LPAR3: variants seen among roughly 807,000 people sequenced by gnomAD.
LPAR3 encodes lysophosphatidic acid receptor 3.
LPAR3 carries 7 observed loss-of-function variants against 17.8 expected under a neutral mutation model. That is an observed-to-expected ratio of 0.39 (90% confidence interval 0.22 to 0.74). The LOEUF (loss-of-function observed/expected upper bound fraction) is 0.74, where lower values mean the gene tolerates loss of function less well. Ranked by LOEUF, LPAR3 falls within the 30% of genes least tolerant of loss-of-function variation. The pLI, the probability that LPAR3 is intolerant of heterozygous loss-of-function variation, is 0.40. For missense variants in LPAR3, 391 were observed against 453.4 expected (o/e 0.86, Z 1.25); for synonymous variants, 179 against 179.9 (o/e 0.99, Z 0.04).
chr1:84,872,657 G>T (rs186598764), intron 1 of LPAR3, among the ~76,000 whole-genome samples: 1 of 152,262 alleles, frequency 6.6e-6, no homozygotes, highest in Non-Finnish European at 1.5e-5. Flanking sequence ...CTCCCAGGCA[G>T]AAGAATACCA....
In LPAR3 at chr1:84,883,721, G is replaced by T. The variant is rs868842743; in HGVS notation, c.-19+9295C>A. Among the ~76,000 whole-genome samples, 952 of 136,648 alleles carry T rather than the reference G, an allele frequency of 7.0e-3. 1 individual carries two copies. The highest frequency in any genetic ancestry group is 0.028 in the East Asian group (134 of 4,704). The allele number at this position is 136,648 out of a possible 152,430, so 89.6% of individuals were successfully genotyped here. A position where few individuals can be genotyped will look rare whatever the true frequency, so the allele number is the denominator to read the frequency against. On this transcript the variant is annotated intron_variant, in intron 1 of 2. Transcript: ENST00000370611. The stretch of plus-strand genomic sequence containing the variant: ...ATCCTTCTGGCCCAGGGATTTTTTT[G>T]TTTTTTTTTTTTTTAAACAATACTG...
intron 2 of LPAR3, among the ~76,000 whole-genome samples, chr1:84,839,038 G>T (rs1398240099): frequency 2.0e-5 from 3 of 152,158 alleles, no homozygotes; most frequent in Non-Finnish European, 4.4e-5. Flanking sequence ...CACTTATTGT[G>T]CAGGGTTCCA....
intron 2 of LPAR3, among the ~76,000 whole-genome samples, chr1:84,833,575 G>A (rs946887839): frequency 2.0e-5 from 3 of 152,140 alleles, no homozygotes; most frequent in Non-Finnish European, 4.4e-5. Context: ...GAACAGCATC[G>A]GTCAGAGGGG....
At chr1:84,830,925 C>A (rs1285912551) in intron 2 of LPAR3, among the ~76,000 whole-genome samples, 1 of 152,142 alleles carries the variant, frequency 6.6e-6, no homozygotes, top group Non-Finnish European at 1.5e-5. Flanking sequence ...CAATTCTGTT[C>A]CCAAGCTTTG....
chr1:84,879,316 C>CTTTTTTT lies in LPAR3; in HGVS notation c.-18-13185_-18-13179dup, dbSNP rs1187756554. 4.2e-4 allele frequency among the ~76,000 whole-genome samples: 51 copies of CTTTTTTT among 120,618 alleles called. 3 individuals carry two copies. The highest frequency in any genetic ancestry group is 1.0e-3 in the African/African-American group (29 of 28,662). The allele number at this position is 120,618 out of a possible 152,430, so 79.1% of individuals were successfully genotyped here. On this transcript the variant is annotated intron_variant, in intron 1 of 2. Transcript: ENST00000370611. ...TTTTCTTTCTTTTCTTTTCTTTTTTCTTTTTTTTTTTTTGAGATGGAATCT... is the reference window on the plus strand; with the variant it reads ...TTTTCTTTCTTTTCTTTTCTTTTTTCTTTTTTTTTTTTTTTTTTTTGAGATGGAATCT...
chr1:84,887,594 G>A (rs1660484832), intron 1 of LPAR3, among the ~76,000 whole-genome samples: 1 of 152,172 alleles, frequency 6.6e-6, no homozygotes, highest in Admixed American at 6.5e-5. Context: ...CGAATTTAAG[G>A]TGAAGAAATC....
At chr1:84,817,261 T>A (rs1363444269) in intron 2 of LPAR3, among the ~76,000 whole-genome samples, 1 of 147,428 alleles carries the variant, frequency 6.8e-6, no homozygotes, top group African/African-American at 2.5e-5. Context: ...CCAGGATCTA[T>A]CACACACACA....
At chr1:84,880,421 C>T (rs935712760) in intron 1 of LPAR3, among the ~76,000 whole-genome samples, 4 of 152,144 alleles carry the variant, frequency 2.6e-5, no homozygotes, top group South Asian at 2.1e-4. Flanking sequence ...GTCAATTGCC[C>T]GTGTAGCTCC....
At chr1:84,846,632 G>A (rs1391463098) in intron 2 of LPAR3, among the ~76,000 whole-genome samples, 1 of 152,134 alleles carries the variant, frequency 6.6e-6, no homozygotes. Flanking sequence ...AGAGGTCAGT[G>A]AGAAGTCTCC....
At chr1:84,837,831 A>C (rs1267228144) in intron 2 of LPAR3, among the ~76,000 whole-genome samples, 1 of 152,220 alleles carries the variant, frequency 6.6e-6, no homozygotes, top group East Asian at 1.9e-4. Context: ...CTCTGAAAAG[A>C]AATGTATGTT....
At position 84,814,090 on chromosome 1, in the gene LPAR3, T is replaced by TG. The variant is rs746007010; in HGVS notation, c.817dup (p.His273ProfsTer60). The TG allele has an allele frequency of 2.5e-6, 4 of 1,614,160 alleles. No homozygotes were observed. In the Admixed American group the frequency reaches 5.0e-5, roughly 20 times the overall value. On this transcript the variant is annotated frameshift_variant, in exon 3 of 3. Transcript: ENST00000370611. LOFTEE classifies it high-confidence loss of function. ...CAGCAGCAGGAACCACCTTTTCACA[T>TG]GCTGCACGCCACACTGCCTGCAGTT...
intron 2 of LPAR3, among the ~76,000 whole-genome samples, chr1:84,830,574 T>C (rs1172339419): frequency 6.6e-6 from 1 of 152,180 alleles, no homozygotes; most frequent in Non-Finnish European, 1.5e-5. Flanking sequence ...CAGTGGATTA[T>C]CCATCTGGCC....
chr1:84,871,943 C>G (rs1165122572), intron 1 of LPAR3, among the ~76,000 whole-genome samples: 1 of 152,160 alleles, frequency 6.6e-6, no homozygotes, highest in Admixed American at 6.5e-5. Flanking sequence ...AAGCCATTTA[C>G]CCTGCTTTAT....
intron 1 of LPAR3, among the ~76,000 whole-genome samples, chr1:84,886,975 T>G (rs978212221): frequency 6.6e-6 from 1 of 152,174 alleles, no homozygotes; most frequent in African/African-American, 2.4e-5. Flanking sequence ...AAGGAATCCA[T>G]GAACAGTTCT....
Position 84,865,689 on chromosome 1 carries a change from C to A in LPAR3, c.432G>T (p.Arg144Ser), listed in dbSNP as rs1207023296. The change falls in exon 2 of 3, where the codon AGG becomes AGT. Residue 144 changes from arginine to serine, a missense_variant. Physicochemically the swap from Arg to Ser is moderately radical, Grantham distance 110. Coordinates refer to ENST00000370611, the MANE Select transcript of LPAR3 (RefSeq NM_012152.3). ...MRVHSNLTKK[R>S]VTLLILLVWA... ...AGACAAGCAAAATGAGCAGTGTCAC[C>A]CTCTTTTTGGTCAGGTTGCTATGGA... 2.5e-6 allele frequency: 4 copies of A among 1,614,166 alleles called. No individual in the cohort carries two copies. The South Asian group carries it at 4.4e-5, about 18-fold the overall frequency.
chr1:84,864,321 T>C (rs1311692175), intron 2 of LPAR3, among the ~76,000 whole-genome samples: 1 of 152,212 alleles, frequency 6.6e-6, no homozygotes, highest in Non-Finnish European at 1.5e-5. Context: ...AACCCATTTA[T>C]GCCAGGGGTT....
chr1:84,851,102 A>T (rs1659700060), intron 2 of LPAR3, among the ~76,000 whole-genome samples: 1 of 152,244 alleles, frequency 6.6e-6, no homozygotes, highest in South Asian at 2.1e-4. Flanking sequence ...AAATAATGGC[A>T]GCATCACCTT....
intron 2 of LPAR3, among the ~76,000 whole-genome samples, chr1:84,817,796 C>T (rs563870703): frequency 7.4e-6 from 1 of 135,700 alleles, no homozygotes; most frequent in East Asian, 2.6e-4. Context: ...TTCTTCCTTT[C>T]CTGGCCAAAA....
At chr1:84,853,979 C>A (rs1311929709) in intron 2 of LPAR3, among the ~76,000 whole-genome samples, 1 of 152,172 alleles carries the variant, frequency 6.6e-6, no homozygotes, top group Non-Finnish European at 1.5e-5. Context: ...GCCACAGGCA[C>A]CACCCCTCCC....
Sources: allele counts gnomAD v4.1 joint callset (sites outside exome capture counted in the v4.1 genomes callset), GRCh38; gene constraint gnomAD v4.1.1; transcripts MANE v1.5; gene names NCBI Gene and HGNC (gene_info 2026-07-23, HGNC 2026-07-21).